The following HRH1 variants were observed in gnomAD, a reference collection of about 807,000 sequenced individuals.
HRH1 encodes the protein histamine receptor H1.
In HRH1, 6 loss-of-function variants were observed where a neutral mutation model predicts 10.3. That is an observed-to-expected ratio of 0.58 (90% CI 0.32 to 1.15). The LOEUF (loss-of-function observed/expected upper bound fraction) is 1.15, where lower values mean the gene tolerates loss of function less well. Ranked by LOEUF, HRH1 falls within the 50% of genes most tolerant of loss-of-function variation. The pLI is 0.05. For synonymous variants in HRH1, 242 were observed against 236.7 expected, an observed-to-expected ratio of 1.02 and a Z score of -0.21; for missense variants, 514 against 615.3, an observed-to-expected ratio of 0.84 and a Z score of 1.74.
chr3:11,153,961 T>C (rs999997929), upstream of HRH1, among the ~76,000 whole-genome samples: 5 of 152,178 alleles, frequency 3.3e-5, no homozygotes, highest in Admixed American at 1.3e-4. Context: ...TCCACCTCTG[T>C]CTGACTTTGC....
chr3:11,172,704 C>CTTTTT (rs537415650), intron 1 of HRH1, among the ~76,000 whole-genome samples: 1 of 130,928 alleles, frequency 7.6e-6, no homozygotes, highest in Non-Finnish European at 1.6e-5. Context: ...TTTGGCGAAT[C>CTTTTT]TTTTTTTTTT....
At chr3:11,184,035 C>A (rs1265160306) in intron 1 of HRH1, among the ~76,000 whole-genome samples, 1 of 151,900 alleles carries the variant, frequency 6.6e-6, no homozygotes, top group Non-Finnish European at 1.5e-5. Flanking sequence ...GTGTCTCATT[C>A]ACTGCTGCAT....
rs114147165 is a variant in HRH1 at position 11,252,195 on chromosome 3, G to A, written c.-35-6808G>A. 2.7e-3 allele frequency among the ~76,000 whole-genome samples: 415 copies of A among 152,280 alleles called. 3 individuals carry two copies. Among genetic ancestry groups the A allele is most frequent in the African/African-American group, 9.2e-3 (383 of 41,554 alleles). ...AGGGCATAAGAGTCTATCCATAGAC[G>A]GCAGTATCTGACTAATCCTCCTTCA... On this transcript the variant is annotated intron_variant, in intron 1 of 1. Coordinates refer to ENST00000431010, the MANE Select transcript of HRH1 (RefSeq NM_001098212.2).
intron 1 of HRH1, among the ~76,000 whole-genome samples, chr3:11,253,763 G>A (rs1939711795): frequency 6.6e-6 from 1 of 152,146 alleles, no homozygotes; most frequent in Admixed American, 6.6e-5. Flanking sequence ...GTTCCCGAAT[G>A]GTCATAGCAG....
chr3:11,254,664 C>T (rs900523106), intron 1 of HRH1, among the ~76,000 whole-genome samples: 7 of 152,196 alleles, frequency 4.6e-5, no homozygotes, highest in South Asian at 2.1e-4. Flanking sequence ...CGTCTCCTCA[C>T]GAGAAATGAT....
At chr3:11,214,769 G>A (rs765513985) in intron 1 of HRH1, among the ~76,000 whole-genome samples, 6 of 152,382 alleles carry the variant, frequency 3.9e-5, no homozygotes, top group Non-Finnish European at 8.8e-5. Flanking sequence ...TGGGGAGGCA[G>A]CATAGGTTTC....
chr3:11,171,109 G>T (rs1453091852), intron 1 of HRH1, among the ~76,000 whole-genome samples: 5 of 143,922 alleles, frequency 3.5e-5, no homozygotes, highest in South Asian at 2.1e-4. Flanking sequence ...GGGTTTTGGG[G>T]TTTTTTTTCT....
chr3:11,171,682 A>G (rs1256839585), intron 1 of HRH1, among the ~76,000 whole-genome samples: 1 of 152,188 alleles, frequency 6.6e-6, no homozygotes, highest in African/African-American at 2.4e-5. Flanking sequence ...CACTCTTCAA[A>G]CAGTCCAGGA....
chr3:11,205,903 G>T (rs55733119), intron 1 of HRH1, among the ~76,000 whole-genome samples: 44,274 of 151,758 alleles, frequency 0.29, 7,795 homozygotes, highest in African/African-American at 0.47. Context: ...CTCGTGATCC[G>T]CCCGCCGCGG....
At chr3:11,143,479 A>G (rs1482343087) in intron 1 of HRH1, among the ~76,000 whole-genome samples, 4 of 152,226 alleles carry the variant, frequency 2.6e-5, no homozygotes, top group African/African-American at 9.6e-5. Flanking sequence ...GAAAAACAAC[A>G]TGGAGCTCTG....
At chr3:11,237,113 G>T (rs1463493610) in intron 1 of HRH1, among the ~76,000 whole-genome samples, 1 of 152,164 alleles carries the variant, frequency 6.6e-6, no homozygotes, top group Non-Finnish European at 1.5e-5. Context: ...ATACTTGTGT[G>T]TGTGCTGGGT....
chr3:11,142,795 T>C (rs1440151954), intron 1 of HRH1, among the ~76,000 whole-genome samples: 1 of 152,012 alleles, frequency 6.6e-6, no homozygotes, highest in East Asian at 1.9e-4. Context: ...GTGCCTGTAA[T>C]CCCACCTACC....
intron 1 of HRH1, among the ~76,000 whole-genome samples, chr3:11,215,587 C>A (rs1485117892): frequency 6.6e-6 from 1 of 152,182 alleles, no homozygotes; most frequent in Non-Finnish European, 1.5e-5. Context: ...ACCACAGGCG[C>A]CTGCCACTAC....
At chr3:11,234,496 G>T (rs1175181932) in intron 1 of HRH1, 1 of 1,485,048 alleles carries the variant, frequency 6.7e-7, no homozygotes, top group Non-Finnish European at 9.4e-7. Flanking sequence ...CCCCACAGGG[G>T]CCGCTGGCCA....
Position 11,259,975 on chromosome 3 carries a change from C to A in HRH1, c.938C>A (p.Ala313Glu), listed in dbSNP as rs201210547. ...FPLDIVHMQA[A>E]AEGSSRDYVA... ...CTTGATATTGTGCACATGCAGGCTG[C>A]GGCAGAGGGGAGTAGCAGGGACTAT... Residue 313 changes from alanine to glutamate, a missense_variant, in exon 2 of 2, where the codon GCG becomes GAG. Coordinates refer to ENST00000431010, the MANE Select transcript of HRH1 (RefSeq NM_001098212.2). This position sits in a 1 kb window ranked among gnomAD's most constrained non-coding sequence, Gnocchi z 4.6. 3 of 1,614,068 alleles carry A rather than the reference C, an allele frequency of 1.9e-6. No individual in the cohort carries two copies. The highest frequency in any genetic ancestry group is 2.5e-6 in the Non-Finnish European group (3 of 1,179,988).
chr3:11,232,503 A>G (rs1486198437), intron 1 of HRH1, among the ~76,000 whole-genome samples: 1 of 152,188 alleles, frequency 6.6e-6, no homozygotes, highest in African/African-American at 2.4e-5. Flanking sequence ...TCCTTTGCCA[A>G]TACCACAAAG....
At chr3:11,151,663 A>G (rs1004304802), upstream of HRH1, among the ~76,000 whole-genome samples, 6 of 151,864 alleles carry the variant, frequency 4.0e-5, no homozygotes, top group African/African-American at 1.5e-4. Flanking sequence ...ATGCCCAGCT[A>G]ATTTATTTAT....
intron 1 of HRH1, among the ~76,000 whole-genome samples, chr3:11,170,053 C>T (rs886486341): frequency 6.6e-6 from 1 of 152,188 alleles, no homozygotes; most frequent in Non-Finnish European, 1.5e-5. Flanking sequence ...CAGAACTCAA[C>T]AGACGGTGCC....
chr3:11,206,964 T>C (rs1303617200), intron 1 of HRH1, among the ~76,000 whole-genome samples: 1 of 151,846 alleles, frequency 6.6e-6, no homozygotes, highest in Non-Finnish European at 1.5e-5. Flanking sequence ...TTTTGTCTTA[T>C]CGGGGTGGAG....
Sources: allele counts gnomAD v4.1 joint callset (sites outside exome capture counted in the v4.1 genomes callset), GRCh38; gene constraint gnomAD v4.1.1; non-coding constraint Gnocchi (gnomAD v3.1); transcripts MANE v1.5; gene names NCBI Gene and HGNC (gene_info 2026-07-23, HGNC 2026-07-21).